The following BLTP1 variants were observed in gnomAD, a reference collection of about 807,000 sequenced individuals.
The protein encoded by BLTP1 is fragile site-associated protein.
the BLTP1 span, among the ~76,000 whole-genome samples, chr4:122,288,461 G>A: frequency 5.3e-5 from 8 of 151,918 alleles, no homozygotes; most frequent in African/African-American, 1.7e-4. Context: ...TGGGCGGATC[G>A]CTTGAGGCCA....
the BLTP1 span, chr4:122,226,867 A>C: frequency 1.4e-5 from 21 of 1,507,208 alleles, no homozygotes; most frequent in Non-Finnish European, 1.8e-5. Context: ...CAATATTATA[A>C]ACATTTATGA....
At chr4:122,207,277 A>C in the BLTP1 span, 1 of 1,589,440 alleles carries the variant, frequency 6.3e-7, no homozygotes, top group East Asian at 2.2e-5. Context: ...TAAGACATTA[A>C]AAAAAATTAG....
the BLTP1 span, chr4:122,170,446 A>C: frequency 1.3e-4 from 124 of 955,434 alleles, no homozygotes; most frequent in African/African-American, 1.9e-3. Context: ...CTTACATTTT[A>C]GTAGAAATGT....
At chr4:122,192,258 A>T in the BLTP1 span, 1 of 1,612,978 alleles carries the variant, frequency 6.2e-7, no homozygotes, top group Non-Finnish European at 8.5e-7. Flanking sequence ...AGAAGAAAAT[A>T]TTGAAGGAGA....
At chr4:122,204,843 A>G in the BLTP1 span, 14 of 874,838 alleles carry the variant, frequency 1.6e-5, no homozygotes, top group Non-Finnish European at 1.9e-5. Context: ...AGGTAAGCAT[A>G]GATTATGTAA....
At chr4:122,328,377 G>T in the BLTP1 span, 11 of 1,587,172 alleles carry the variant, frequency 6.9e-6, no homozygotes, top group Admixed American at 1.7e-4. Flanking sequence ...CTTATTTTAA[G>T]ATCATAATGT....
At chr4:122,179,348 T>G in the BLTP1 span, among the ~76,000 whole-genome samples, 1 of 152,148 alleles carries the variant, frequency 6.6e-6, no homozygotes, top group African/African-American at 2.4e-5. Flanking sequence ...TTAGCTCAGT[T>G]CACATCCCAC....
chr4:122,259,967 A>G, the BLTP1 span: 1 of 844,458 alleles, frequency 1.2e-6, no homozygotes, highest in Non-Finnish European at 1.4e-6. Flanking sequence ...ATTTCTACAC[A>G]GAACAAAGTA....
At chr4:122,205,271 A>G in the BLTP1 span, among the ~76,000 whole-genome samples, 1 of 151,794 alleles carries the variant, frequency 6.6e-6, no homozygotes, top group East Asian at 1.9e-4. Context: ...AAACGCTACC[A>G]TTTGTGGAGT....
the BLTP1 span, among the ~76,000 whole-genome samples, chr4:122,335,326 T>G: frequency 4.6e-5 from 7 of 152,174 alleles, no homozygotes; most frequent in South Asian, 1.5e-3. Flanking sequence ...CACAGGTCAG[T>G]ACGGAAGTAA....
At chr4:122,167,470 C>T in the BLTP1 span, among the ~76,000 whole-genome samples, 2 of 152,158 alleles carry the variant, frequency 1.3e-5, no homozygotes, top group Non-Finnish European at 2.9e-5. Flanking sequence ...TGCCAGGCAG[C>T]CTTCTTGAGT....
At chr4:122,340,910 TACA>T in the BLTP1 span, 9 of 828,830 alleles carry the variant, frequency 1.1e-5, no homozygotes, top group African/African-American at 1.8e-5. Context: ...GCGATAACAC[TACA>T]ACATTTCTGT....
the BLTP1 span, among the ~76,000 whole-genome samples, chr4:122,283,240 A>T: frequency 7.0e-6 from 1 of 142,762 alleles, no homozygotes; most frequent in African/African-American, 3.1e-5. Context: ...TTGGCATGGG[A>T]TAGTATATAA....
the BLTP1 span, chr4:122,271,234 T>C: frequency 6.2e-7 from 1 of 1,613,974 alleles, no homozygotes; most frequent in Non-Finnish European, 8.5e-7. Flanking sequence ...TAGATATGGC[T>C]TTGGTTCGTC....
the BLTP1 span, chr4:122,277,591 A>G: frequency 1.0e-6 from 1 of 953,110 alleles, no homozygotes; most frequent in African/African-American, 1.8e-5. Context: ...TCTTTGCTTT[A>G]TATCTGTACT....
At chr4:122,295,001 G>A in the BLTP1 span, among the ~76,000 whole-genome samples, 3 of 152,088 alleles carry the variant, frequency 2.0e-5, no homozygotes. Flanking sequence ...TAGACCAAGT[G>A]GAGGAAAGAA....
the BLTP1 span, chr4:122,304,597 A>G: frequency 7.1e-6 from 2 of 281,910 alleles, no homozygotes; most frequent in Non-Finnish European, 1.1e-5. Flanking sequence ...AACCTTTTAT[A>G]TGCACTGGAA....
At chr4:122,221,840 A>G in the BLTP1 span, 2 of 984,132 alleles carry the variant, frequency 2.0e-6, no homozygotes, top group Non-Finnish European at 2.4e-6. Flanking sequence ...GAGTTCTGAG[A>G]AACTTAGATG....
chr4:122,328,894 C>A, the BLTP1 span: 2 of 274,178 alleles, frequency 7.3e-6, no homozygotes, highest in East Asian at 1.8e-4. Flanking sequence ...CTATTTAAAC[C>A]GCCCTCAAGT....
Sources: gnomAD v4.1 joint callset for allele counts (sites outside exome capture counted in the v4.1 genomes callset) on GRCh38, gnomAD v4.1.1 for gene constraint, MANE v1.5 for transcripts, NCBI Gene and HGNC (gene_info 2026-07-23, HGNC 2026-07-21) for gene names.